Variants in FCRL1 observed in about 807,000 individuals in gnomAD.
The protein encoded by FCRL1 is Fc receptor like 1, also known as Fc receptor-like protein 1.
FCRL1 carries 34 observed loss-of-function variants against 49.2 expected under a neutral mutation model. The observed-to-expected ratio is 0.69, with a 90% confidence interval of 0.53 to 0.92. The LOEUF is 0.92. FCRL1 is among the 40% of genes least tolerant of loss of function. The probability of loss-of-function intolerance (pLI) is 0.00; values close to 1 mark genes in which losing one functional copy is unlikely to be tolerated. For missense variants in FCRL1, 524 were observed against 524.1 expected (o/e 1.00, Z 0.00); for synonymous variants, 218 against 201.6 (o/e 1.08, Z -0.69).
chr1:157,809,128 G>C (rs939567735), intron 1 of FCRL1, among the ~76,000 whole-genome samples: 2 of 152,186 alleles, frequency 1.3e-5, no homozygotes, highest in African/African-American at 4.8e-5. Flanking sequence ...TTAAAAGAGA[G>C]GTGAAAGCTG....
In FCRL1 at chr1:157,797,114, T is replaced by C. The variant is rs1651625891; in HGVS notation, c.1205A>G (p.His402Arg). The change falls in exon 10 of 11, where the codon CAT becomes CGT. Residue 402 changes from histidine (H) to arginine (R), a missense_variant. Physicochemically the swap from His to Arg is conservative, Grantham distance 29 (BLOSUM62 0). Coordinates refer to ENST00000368176, the MANE Select transcript of FCRL1 (RefSeq NM_052938.5). ...AGAGACTCTTACCTTGTCCTCCATA[T>C]GTGTCCCCAGGGTTTCTGCTGTGGA... ...ESVAAETLGT[H>R]MEDKVSLDIY... 1.2e-6 allele frequency: 2 copies of C among 1,613,872 alleles called. No homozygotes were observed. The highest frequency in any genetic ancestry group is 2.7e-5 in the African/African-American group (2 of 74,928).
At chr1:157,815,499 A>G (rs370670072) in intron 1 of FCRL1, among the ~76,000 whole-genome samples, 27 of 152,116 alleles carry the variant, frequency 1.8e-4, no homozygotes, top group African/African-American at 5.5e-4. Flanking sequence ...TACATCAAAA[A>G]TAGAAGAAAG....
At chr1:157,813,210 G>A (rs79179495) in intron 1 of FCRL1, among the ~76,000 whole-genome samples, 3,740 of 152,250 alleles carry the variant, frequency 0.025, 143 homozygotes, top group African/African-American at 0.084. Flanking sequence ...ATGAAAAAGC[G>A]AGAAAACATG....
intron 10 of FCRL1, 94 bp downstream of exon 10, chr1:157,797,007 T>C: frequency 1.6e-6 from 2 of 1,224,648 alleles, no homozygotes; most frequent in Non-Finnish European, 2.4e-6. Flanking sequence ...CATGGGATTT[T>C]TGCTCTTTCT....
intron 1 of FCRL1, among the ~76,000 whole-genome samples, chr1:157,809,189 T>C (rs763971554): frequency 1.3e-5 from 2 of 152,034 alleles, no homozygotes; most frequent in Non-Finnish European, 2.9e-5. Context: ...GTGACATAAT[T>C]ATATAATTTG....
intron 3 of FCRL1, among the ~76,000 whole-genome samples, chr1:157,803,188 A>T (rs1230454425): frequency 6.6e-6 from 1 of 152,156 alleles, no homozygotes; most frequent in Non-Finnish European, 1.5e-5. Flanking sequence ...TTGCTCAGTG[A>T]TTATTGTGGT....
intron 1 of FCRL1, among the ~76,000 whole-genome samples, chr1:157,808,537 G>A (rs967119326): frequency 3.9e-5 from 6 of 152,208 alleles, no homozygotes; most frequent in African/African-American, 1.4e-4. Context: ...AAGTAAGGGG[G>A]CAGGGGTTAG....
chr1:157,808,421 T>G (rs1239644188), intron 1 of FCRL1, among the ~76,000 whole-genome samples: 1 of 152,176 alleles, frequency 6.6e-6, no homozygotes, highest in African/African-American at 2.4e-5. Context: ...TCTGAATATT[T>G]GGGAAAGAGC....
intron 1 of FCRL1, among the ~76,000 whole-genome samples, chr1:157,809,929 A>C (rs1478080621): frequency 6.6e-6 from 1 of 152,208 alleles, no homozygotes; most frequent in East Asian, 1.9e-4. Flanking sequence ...GACTCTAAAA[A>C]AATTAAATAA....
chr1:157,801,395 A>T (rs1652440346), intron 6 of FCRL1, 66 bp downstream of exon 6: 1 of 1,032,778 alleles, frequency 9.7e-7, no homozygotes, highest in East Asian at 2.4e-5. Flanking sequence ...ACATGTCACA[A>T]TTTCAGCCTA....
At position 157,803,991 on chromosome 1, in the gene FCRL1, G is replaced by T. The variant is rs1336682626; in HGVS notation, c.173C>A (p.Thr58Asn). The change falls in exon 3 of 11, where the codon ACC becomes AAC. Residue 58 changes from threonine to asparagine, a missense_variant. Thr to Asn is a moderately conservative substitution (Grantham distance 65, BLOSUM62 0). Transcript: ENST00000368176. ...AQFQFCFFRD[T>N]RALGPGWSSS... ...GCTCCAGCCTGGGCCCAAGGCCCGG[G>T]TGTCTCTGAAAAAGCAGAACTGGAA... is the stretch of plus-strand genomic sequence containing the variant. 2 of 1,614,202 alleles carry T rather than the reference G, an allele frequency of 1.2e-6. No homozygotes were observed. The highest frequency in any genetic ancestry group is 2.7e-5 in the African/African-American group (2 of 75,054).
At chr1:157,802,693 A>G (rs1652740904) in intron 3 of FCRL1, 29 bp from the exon 4 acceptor site, 1 of 1,595,354 alleles carries the variant, frequency 6.3e-7, no homozygotes, top group Admixed American at 1.7e-5. Flanking sequence ...ACATAGGAAG[A>G]CCCTGTGCAG....
intron 2 of FCRL1, 35 bp downstream of exon 2, chr1:157,807,067 A>G (rs750065717): frequency 1.2e-6 from 2 of 1,613,188 alleles, no homozygotes; most frequent in Non-Finnish European, 1.7e-6. Flanking sequence ...CAAAATACCC[A>G]CAGACCTTGA....
intron 3 of FCRL1, among the ~76,000 whole-genome samples, chr1:157,803,370 T>C (rs1039304182): frequency 6.6e-6 from 1 of 152,198 alleles, no homozygotes; most frequent in East Asian, 1.9e-4. Context: ...TTTCTTTCTA[T>C]TTTTTGGAAA....
Position 157,797,852 on chromosome 1 carries a change from C to A in FCRL1, c.1186+16G>T. 4 of 1,614,124 alleles carry A rather than the reference C, an allele frequency of 2.5e-6. No individual in the cohort carries two copies. The South Asian group carries it at 4.4e-5, about 18-fold the overall frequency. On this transcript the variant is annotated intron_variant, in intron 9 of 10. Coordinates refer to ENST00000368176, the MANE Select transcript of FCRL1 (RefSeq NM_052938.5). ...AAGACAAAAGTCAGAGACAAATTTA[C>A]TCCCCCATGTCTCACCTGCTACTGA...
At chr1:157,817,192 A>T (rs1006877263) in intron 1 of FCRL1, among the ~76,000 whole-genome samples, 31 of 151,914 alleles carry the variant, frequency 2.0e-4, no homozygotes, top group African/African-American at 7.5e-4. Context: ...CAAATAAACA[A>T]ACAGAAAACC....
Position 157,818,468 on chromosome 1 carries a change from CG to C in FCRL1, c.31+1538del, listed in dbSNP as rs1256666583. 3.3e-5 allele frequency among the ~76,000 whole-genome samples: 5 copies of C among 151,910 alleles called. No individual in the cohort carries two copies. In the South Asian group the frequency reaches 8.3e-4, roughly 25 times the overall value. On this transcript the variant is annotated intron_variant, in intron 1 of 10. Transcript: ENST00000368176. ...TGAAAACGTTGATCTCATAGAAGGACGGTGCAGAATCATGGTTACAAGAAGC... is the reference window on the plus strand; with the variant it reads ...TGAAAACGTTGATCTCATAGAAGGACGTGCAGAATCATGGTTACAAGAAGC...
Position 157,808,480 on chromosome 1 carries a change from C to T in FCRL1, c.32-1358G>A, listed in dbSNP as rs11264823. Among the ~76,000 whole-genome samples the T allele has an allele frequency of 1.0e-3, 154 of 152,250 alleles. 1 individual carries two copies. The highest frequency in any genetic ancestry group is 3.5e-3 in the African/African-American group (146 of 41,556). ...ATGCAAGTATCCTGAGGAGGAAATA[C>T]GCTTGTACAAGGAGGAATGAGAAGG... On this transcript the variant is annotated intron_variant, in intron 1 of 10. Transcript: ENST00000368176.
intron 9 of FCRL1, chr1:157,797,653 C>T: frequency 8.0e-7 from 1 of 1,244,422 alleles, no homozygotes; most frequent in African/African-American, 1.5e-5. Flanking sequence ...AGAAATTTGA[C>T]AGCCCATCCC....
Sources: allele counts gnomAD v4.1 joint callset (sites outside exome capture counted in the v4.1 genomes callset), GRCh38; gene constraint gnomAD v4.1.1; transcripts MANE v1.5; gene names NCBI Gene and HGNC (gene_info 2026-07-23, HGNC 2026-07-21).